NALF1: variants seen among roughly 807,000 people sequenced by gnomAD.
NALF1 encodes family with sequence similarity 155 member A.
Under a neutral mutation model 48.4 loss-of-function variants are expected in NALF1, and 3 were observed. The observed-to-expected ratio is 0.06, with a 90% CI of 0.03 to 0.16. The LOEUF is 0.16. Ranked by LOEUF, NALF1 falls within the 10% of genes least tolerant of loss-of-function variation. The pLI, the probability that NALF1 is intolerant of heterozygous loss-of-function variation, is 1.00. For synonymous variants in NALF1, 262 were observed against 245.7 expected (o/e 1.07, Z -0.62); for missense variants, 526 against 571.5 (o/e 0.92, Z 0.81).
At chr13:107,265,907 A>G (rs1469697230) in intron 1 of NALF1, among the ~76,000 whole-genome samples, 2 of 152,182 alleles carry the variant, frequency 1.3e-5, no homozygotes, top group Non-Finnish European at 2.9e-5. Context: ...CTGTGTGGCA[A>G]AGTCTAAAAC....
chr13:107,567,414 C>T (rs1877847205), intron 1 of NALF1, among the ~76,000 whole-genome samples: 1 of 152,148 alleles, frequency 6.6e-6, no homozygotes, highest in African/African-American at 2.4e-5. Flanking sequence ...AGACATTAAG[C>T]AACAACATAT....
chr13:107,798,287 T>C (rs1194706488), intron 1 of NALF1, among the ~76,000 whole-genome samples: 2 of 152,356 alleles, frequency 1.3e-5, no homozygotes, highest in Admixed American at 6.5e-5. Context: ...TAGTAAAATG[T>C]ACATTAAATA....
chr13:107,363,992 C>T (rs866065099), intron 1 of NALF1, among the ~76,000 whole-genome samples: 2 of 152,144 alleles, frequency 1.3e-5, no homozygotes, highest in Non-Finnish European at 2.9e-5. Context: ...TGGTTTTGCT[C>T]ATTGCATTTT....
intron 2 of NALF1, among the ~76,000 whole-genome samples, chr13:107,174,245 TAAC>T (rs1346290933): frequency 6.6e-6 from 1 of 152,190 alleles, no homozygotes; most frequent in African/African-American, 2.4e-5. Context: ...CTGCACAAAA[TAAC>T]AAGCACAGGA....
rs980953163 is a variant in NALF1 at position 107,822,314 on chromosome 13, A to T, written c.915+43368T>A. Among the ~76,000 whole-genome samples the T allele has an allele frequency of 4.8e-4, 71 of 146,748 alleles. No homozygotes were observed. The East Asian group carries it at 0.011, about 22-fold the overall frequency. On this transcript the variant is annotated intron_variant, in intron 1 of 2. Coordinates refer to ENST00000375915, the MANE Select transcript of NALF1 (RefSeq NM_001080396.3). ...CTGTTGCCTGATGTCATGCAAAAGTATTTTTTTTTTTTTTGAGACAGAGTC... is the reference window on the plus strand; with the variant it reads ...CTGTTGCCTGATGTCATGCAAAAGTTTTTTTTTTTTTTTTGAGACAGAGTC...
chr13:107,559,000 G>GC (rs1041060934), intron 1 of NALF1, among the ~76,000 whole-genome samples: 5 of 152,128 alleles, frequency 3.3e-5, no homozygotes, highest in African/African-American at 1.2e-4. Flanking sequence ...GGCTTTCCTG[G>GC]CCCCCCACCC....
rs1433381997 is a variant in NALF1, at chr13:107,548,026, G to C, written c.915+317656C>G. 2.6e-5 allele frequency among the ~76,000 whole-genome samples: 4 copies of C among 151,798 alleles called. No individual in the cohort carries two copies. In the East Asian group the frequency reaches 7.7e-4, roughly 29 times the overall value. Reference sequence around the variant, plus strand: ...GTGCACGTGCAGGTTTGTTATATAGGTGAACTCGTGTCACAGGCATTTATT... The same window carrying C: ...GTGCACGTGCAGGTTTGTTATATAGCTGAACTCGTGTCACAGGCATTTATT... On this transcript the variant is annotated intron_variant, in intron 1 of 2. Coordinates refer to ENST00000375915, the MANE Select transcript of NALF1 (RefSeq NM_001080396.3).
intron 1 of NALF1, among the ~76,000 whole-genome samples, chr13:107,680,864 A>C: frequency 8.1e-6 from 1 of 123,932 alleles, no homozygotes; most frequent in Non-Finnish European, 1.8e-5. Flanking sequence ...GTGAGTGTGC[A>C]AATGTAAGGG....
chr13:107,262,637 A>G (rs1218501327), intron 1 of NALF1, among the ~76,000 whole-genome samples: 1 of 152,208 alleles, frequency 6.6e-6, no homozygotes, highest in Non-Finnish European at 1.5e-5. Context: ...GTAACTTATG[A>G]TAAGAATAAG....
rs1230519873 is a variant in NALF1 at position 107,170,198 on chromosome 13, T to C, written c.*299A>G. ...CCAAAATAAATCCTGTATTAACAAGTGCAAAAAATAAACAAACAAATAAAC... is the reference window on the plus strand; with the variant it reads ...CCAAAATAAATCCTGTATTAACAAGCGCAAAAAATAAACAAACAAATAAAC... On this transcript the variant is annotated 3_prime_UTR_variant, in exon 3 of 3. Coordinates refer to ENST00000375915, the MANE Select transcript of NALF1 (RefSeq NM_001080396.3). The C allele has an allele frequency of 6.4e-5, 18 of 279,438 alleles. No individual in the cohort carries two copies. The highest frequency in any genetic ancestry group is 9.5e-5 in the Non-Finnish European group (14 of 147,500). 17.3% of individuals were successfully genotyped at this position (279,438 alleles called of 1,614,324 possible). A position where few individuals can be genotyped will look rare whatever the true frequency, so the allele number is the denominator to read the frequency against.
rs558622493 is a variant in NALF1, at chr13:107,202,759, G to A, written c.1087+7825C>T. On this transcript the variant is annotated intron_variant, in intron 2 of 2. Coordinates refer to ENST00000375915, the MANE Select transcript of NALF1 (RefSeq NM_001080396.3). ...AATGCAAAGACAGCAGGCTGTGGGC[G>A]TGATCACCTTCCGTTAACCTACTGA... 6.6e-5 allele frequency among the ~76,000 whole-genome samples: 10 copies of A among 152,272 alleles called. No homozygotes were observed. The South Asian group carries it at 1.9e-3, about 28-fold the overall frequency.
Position 107,866,359 on chromosome 13 carries a change from G to T in NALF1, c.238C>A (p.Gln80Lys). 6.4e-7 allele frequency: 1 copy of T among 1,571,556 alleles called. No homozygotes were observed. Reference protein sequence around the residue: ...KEHQQQQRQQQQQQQQQRQRQ... With the variant: ...KEHQQQQRQQKQQQQQQRQRQ... ...TGCCTCTGCTGCTGCTGCTGCTGCT[G>T]CTGCTGCCGCTGCTGCTGCTGGTGC... Residue 80 changes from glutamine (Q) to lysine (K), a missense_variant, in exon 1 of 3, where the codon CAG becomes AAG. Physicochemically the swap from Gln to Lys is moderately conservative, Grantham distance 53. This residue lies in a region of NALF1 where 373 missense variants were observed against 355.5 expected (regional missense o/e 1.05). Coordinates refer to ENST00000375915, the MANE Select transcript of NALF1 (RefSeq NM_001080396.3). The surrounding 1 kb of genome is among the most constrained non-coding windows in gnomAD (Gnocchi z 4.4).
intron 1 of NALF1, among the ~76,000 whole-genome samples, chr13:107,537,469 T>C (rs1030204873): frequency 2.6e-5 from 4 of 152,158 alleles, no homozygotes; most frequent in Non-Finnish European, 4.4e-5. Context: ...TTGATTTCTA[T>C]AGTAACAAAG....
At chr13:107,426,164 T>C (rs1594056428) in intron 1 of NALF1, among the ~76,000 whole-genome samples, 1 of 152,154 alleles carries the variant, frequency 6.6e-6, no homozygotes, top group East Asian at 1.9e-4. Flanking sequence ...TGACAGTTTG[T>C]ATCCATCCCT....
chr13:107,273,519 T>G (rs1364633083), intron 1 of NALF1, among the ~76,000 whole-genome samples: 1 of 152,230 alleles, frequency 6.6e-6, no homozygotes, highest in Non-Finnish European at 1.5e-5. Flanking sequence ...AAATTTACTT[T>G]CCTTTTTAAC....
chr13:107,512,332 T>C (rs1028923334), intron 1 of NALF1, among the ~76,000 whole-genome samples: 2 of 152,124 alleles, frequency 1.3e-5, no homozygotes, highest in Non-Finnish European at 2.9e-5. Context: ...AGGCGGAGGT[T>C]GCAGTGAGCC....
At chr13:107,288,955 A>G (rs565087926) in intron 1 of NALF1, among the ~76,000 whole-genome samples, 2 of 152,114 alleles carry the variant, frequency 1.3e-5, no homozygotes, top group South Asian at 2.1e-4. Context: ...TAGTAAGTCC[A>G]TCAGATAAGA....
chr13:107,740,010 C>G (rs1396327280), intron 1 of NALF1, among the ~76,000 whole-genome samples: 1 of 152,006 alleles, frequency 6.6e-6, no homozygotes, highest in African/African-American at 2.4e-5. Flanking sequence ...ATGGTGAGAT[C>G]CATATTATGG....
chr13:107,404,239 G>A (rs1000580082), intron 1 of NALF1, among the ~76,000 whole-genome samples: 4 of 151,950 alleles, frequency 2.6e-5, no homozygotes, highest in African/African-American at 9.7e-5. Context: ...TCATCGTTGT[G>A]TCATTTGCAA....
Sources: allele counts gnomAD v4.1 joint callset (sites outside exome capture counted in the v4.1 genomes callset), GRCh38; gene constraint gnomAD v4.1.1; regional missense constraint gnomAD v4.1.1; non-coding constraint Gnocchi (gnomAD v3.1); transcripts MANE v1.5; gene names NCBI Gene and HGNC (gene_info 2026-07-23, HGNC 2026-07-21).